Variants in GDPD4 observed in about 807,000 individuals in gnomAD.
GDPD4 encodes the protein glycerophosphodiester phosphodiesterase 6.
A neutral mutation model predicts 67.8 loss-of-function variants in GDPD4; 60 were observed. The observed-to-expected ratio is 0.88, with a 90% CI of 0.72 to 1.10. The LOEUF (loss-of-function observed/expected upper bound fraction) is 1.10, where lower values mean the gene tolerates loss of function less well. Among genes scored for constraint, GDPD4 ranks in the 50% least tolerant of loss-of-function variants. The pLI, the probability that GDPD4 is intolerant of heterozygous loss-of-function variation, is 0.00. For missense variants in GDPD4, 623 were observed against 613.9 expected, an observed-to-expected ratio of 1.01 and a Z score of -0.16; for synonymous variants, 212 against 210.9, an observed-to-expected ratio of 1.00 and a Z score of -0.04.
chr11:77,299,763 A>G (rs540522605), intron 1 of GDPD4, among the ~76,000 whole-genome samples: 3 of 152,334 alleles, frequency 2.0e-5, no homozygotes, highest in African/African-American at 7.2e-5. Context: ...TTGAGCCCAA[A>G]GTCAACAATC....
chr11:77,286,770 A>G (rs1240695475), intron 2 of GDPD4, among the ~76,000 whole-genome samples: 1 of 152,222 alleles, frequency 6.6e-6, no homozygotes, highest in Non-Finnish European at 1.5e-5. Context: ...CTCAGGGAAA[A>G]TCACCACTAG....
In GDPD4 at chr11:77,216,879, T is replaced by A; in HGVS notation, c.*398A>T. On this transcript the variant is annotated 3_prime_UTR_variant, in exon 17 of 17. Coordinates refer to ENST00000315938, the MANE Select transcript of GDPD4 (RefSeq NM_182833.3). ...GCTATGTCAGATGCAATGGAATATA[T>A]TGTGACATAGGATTATTTGGAGTAT... 1 of 674,802 alleles carries A rather than the reference T, an allele frequency of 1.5e-6. No individual in the cohort carries two copies. The highest frequency in any genetic ancestry group is 2.7e-6 in the Non-Finnish European group (1 of 372,438). 41.8% of individuals were successfully genotyped at this position (674,802 alleles called of 1,614,324 possible).
intron 11 of GDPD4, among the ~76,000 whole-genome samples, chr11:77,252,652 G>A (rs1341069848): frequency 1.3e-5 from 2 of 152,106 alleles, no homozygotes; most frequent in Non-Finnish European, 2.9e-5. Flanking sequence ...AAACTTTCTA[G>A]AGTGGCTTTT....
At chr11:77,232,811 A>C (rs994007134) in intron 14 of GDPD4, among the ~76,000 whole-genome samples, 1 of 152,246 alleles carries the variant, frequency 6.6e-6, no homozygotes, top group African/African-American at 2.4e-5. Flanking sequence ...CATTGTAAGG[A>C]TTCAATAAAT....
chr11:77,224,046 G>A (rs774487401), intron 16 of GDPD4, among the ~76,000 whole-genome samples: 1 of 152,220 alleles, frequency 6.6e-6, no homozygotes, highest in African/African-American at 2.4e-5. Context: ...AAGACCGTTG[G>A]AAAAGTGCAG....
intron 5 of GDPD4, among the ~76,000 whole-genome samples, chr11:77,272,703 G>C (rs1959271529): frequency 6.6e-6 from 1 of 151,886 alleles, no homozygotes; most frequent in Non-Finnish European, 1.5e-5. Context: ...TTGAACCCGG[G>C]AGGCAGAAGT....
At chr11:77,285,296 C>T in intron 2 of GDPD4, 109 bp from the exon 3 acceptor site, 1 of 617,972 alleles carries the variant, frequency 1.6e-6, no homozygotes, top group Non-Finnish European at 2.9e-6. Flanking sequence ...CATGCATTAC[C>T]CTCCTGAGGC....
intron 1 of GDPD4, among the ~76,000 whole-genome samples, chr11:77,295,609 T>C (rs556189298): frequency 1.3e-5 from 2 of 152,168 alleles, no homozygotes; most frequent in South Asian, 4.2e-4. Flanking sequence ...CCATTCTGGG[T>C]GACAGAATGA....
intron 15 of GDPD4, among the ~76,000 whole-genome samples, chr11:77,228,277 T>G (rs557563060): frequency 6.4e-4 from 97 of 151,856 alleles, no homozygotes; most frequent in Non-Finnish European, 1.0e-3. Context: ...GGCGGGCAGA[T>G]CACAAGGTCA....
At chr11:77,283,820 T>C (rs1959865672) in intron 3 of GDPD4, among the ~76,000 whole-genome samples, 3 of 151,460 alleles carry the variant, frequency 2.0e-5, no homozygotes, top group Non-Finnish European at 2.9e-5. Flanking sequence ...TATAACCTTT[T>C]GAGAAAGTAC....
At chr11:77,264,609 TATG>T (rs1959169723) in intron 10 of GDPD4, among the ~76,000 whole-genome samples, 2 of 152,124 alleles carry the variant, frequency 1.3e-5, no homozygotes, top group Admixed American at 1.3e-4. Context: ...GAAAATTTAC[TATG>T]ATGTTTAAGA....
rs1304385614 is a variant in GDPD4, at chr11:77,217,257, C to A, written c.*20G>T. ...ACAACTCGGACAGGAGGTTTCATGG[C>A]TATGTGCAAATCTATCTATCTATCT... On this transcript the variant is annotated 3_prime_UTR_variant, in exon 17 of 17. Coordinates refer to ENST00000315938, the MANE Select transcript of GDPD4 (RefSeq NM_182833.3). 1.9e-6 allele frequency: 3 copies of A among 1,585,772 alleles called. No individual in the cohort carries two copies. In the African/African-American group the frequency reaches 4.0e-5, roughly 21 times the overall value.
chr11:77,241,865 G>C (rs972116831), intron 13 of GDPD4, among the ~76,000 whole-genome samples: 4 of 151,770 alleles, frequency 2.6e-5, no homozygotes, highest in Non-Finnish European at 5.9e-5. Context: ...TCCAAGAGGC[G>C]GAGGTTGCAG....
chr11:77,297,441 C>G (rs1938011420), intron 1 of GDPD4, among the ~76,000 whole-genome samples: 1 of 150,730 alleles, frequency 6.6e-6, no homozygotes, highest in Admixed American at 6.6e-5. Context: ...GAGGCTGAGG[C>G]AGGAGAATGG....
rs879795207 is a variant in GDPD4 at position 77,287,219 on chromosome 11, C to G, written c.-52G>C. On this transcript the variant is annotated splice_region_variant and 5_prime_UTR_variant, in exon 2 of 17. Transcript: ENST00000315938. ...GTCCAGCTCCTTATCAGTCTGTACC[C>G]AAGTGCAGCAACAAAATCCAACTTT... 2.0e-5 allele frequency: 3 copies of G among 152,204 alleles called. No homozygotes were observed. Among genetic ancestry groups the G allele is most frequent in the Admixed American group, 2.0e-4 (3 of 15,286 alleles). 9.4% of individuals were successfully genotyped at this position (152,204 alleles called of 1,614,324 possible).
At chr11:77,232,947 C>A (rs1387251347) in intron 14 of GDPD4, 78 bp downstream of exon 14, 2 of 1,374,008 alleles carry the variant, frequency 1.5e-6, no homozygotes, top group Non-Finnish European at 2.1e-6. Context: ...GGGGATGGCA[C>A]AGTGGGCAAC....
At chr11:77,264,818 A>C (rs1216014428) in intron 10 of GDPD4, among the ~76,000 whole-genome samples, 3 of 152,102 alleles carry the variant, frequency 2.0e-5, no homozygotes, top group Non-Finnish European at 2.9e-5. Flanking sequence ...TGCCACCCCA[A>C]TATATACCTC....
At chr11:77,291,185 C>T (rs1937760030) in intron 1 of GDPD4, among the ~76,000 whole-genome samples, 1 of 152,114 alleles carries the variant, frequency 6.6e-6, no homozygotes, top group Admixed American at 6.5e-5. Flanking sequence ...TACTCTTCGG[C>T]CATAAAAAGA....
rs146788941 is a variant in GDPD4 at position 77,249,368 on chromosome 11, G to A, written c.865-3866C>T. On this transcript the variant is annotated intron_variant, in intron 11 of 16. Transcript: ENST00000315938. ...TTTCGAAGCCTCAGAAGGTTCTATC[G>A]CACATTATCAAATTACAGCTCATAT... Among the ~76,000 whole-genome samples the A allele has an allele frequency of 4.0e-4, 60 of 151,732 alleles. No homozygotes were observed. The East Asian group carries it at 9.5e-3, about 24-fold the overall frequency.
Sources: allele counts gnomAD v4.1 joint callset (sites outside exome capture counted in the v4.1 genomes callset), GRCh38; gene constraint gnomAD v4.1.1; transcripts MANE v1.5; gene names NCBI Gene and HGNC (gene_info 2026-07-23, HGNC 2026-07-21).